Variants in ADD2 observed in about 807,000 individuals in gnomAD.
ADD2 encodes the protein beta-adducin.
Under a neutral mutation model 83.0 loss-of-function variants are expected in ADD2, and 23 were observed. That is an observed-to-expected ratio of 0.28 (90% CI 0.20 to 0.39). The LOEUF is 0.39. Among genes scored for constraint, ADD2 ranks in the 10% least tolerant of loss-of-function variants. ADD2 has a pLI of 1.00. For missense variants in ADD2, 758 were observed against 944.9 expected (o/e 0.80, Z 2.59); for synonymous variants, 375 against 375.4 (o/e 1.00, Z 0.01).
chr2:70,756,306 G>A (rs1296391972), intron 1 of ADD2, among the ~76,000 whole-genome samples: 1 of 152,092 alleles, frequency 6.6e-6, no homozygotes, highest in Non-Finnish European at 1.5e-5. Context: ...TAGAGAAACT[G>A]CACACACTGC....
Position 70,663,379 on chromosome 2 carries a change from G to A in ADD2, c.*46C>T. Reference sequence around the variant, plus strand: ...CAGGGACAGAGATGGGAGAAGGGAAGGGGAGGAGAGAGAGGAGGCAGGAGG... The same window carrying A: ...CAGGGACAGAGATGGGAGAAGGGAAAGGGAGGAGAGAGAGGAGGCAGGAGG... On this transcript the variant is annotated 3_prime_UTR_variant, in exon 16 of 16. Coordinates refer to ENST00000264436, the MANE Select transcript of ADD2 (RefSeq NM_001617.4). 1.3e-6 allele frequency: 2 copies of A among 1,550,930 alleles called. No homozygotes were observed. Among genetic ancestry groups the A allele is most frequent in the South Asian group, 2.4e-5 (2 of 83,170 alleles).
At chr2:70,720,071 T>C (rs1424608977) in intron 1 of ADD2, among the ~76,000 whole-genome samples, 1 of 152,074 alleles carries the variant, frequency 6.6e-6, no homozygotes, top group African/African-American at 2.4e-5. Context: ...ATTTGGCAAA[T>C]TAAGGTTGAA....
intron 1 of ADD2, among the ~76,000 whole-genome samples, chr2:70,713,395 G>A (rs559111809): frequency 3.2e-4 from 49 of 152,318 alleles, no homozygotes; most frequent in African/African-American, 1.1e-3. Flanking sequence ...GGGGGATCAC[G>A]AGGTCAAGAG....
rs143715120 is a variant in ADD2 at position 70,746,462 on chromosome 2, G to C, written c.-154+21424C>G. ...TCATGGGACCAGGCACTAACTCCAA[G>C]CATTAACCCTTTAGTCCCCACAATA... On this transcript the variant is annotated intron_variant, in intron 1 of 15. Coordinates refer to ENST00000264436, the MANE Select transcript of ADD2 (RefSeq NM_001617.4). Among the ~76,000 whole-genome samples the C allele has an allele frequency of 4.0e-3, 608 of 152,286 alleles. 6 individuals carry two copies. Among genetic ancestry groups the C allele is most frequent in the African/African-American group, 0.013 (547 of 41,550 alleles).
At chr2:70,720,089 T>C (rs1261365394) in intron 1 of ADD2, among the ~76,000 whole-genome samples, 1 of 152,152 alleles carries the variant, frequency 6.6e-6, no homozygotes. Context: ...GAAATTGTTT[T>C]GTGGGGTTTT....
intron 12 of ADD2, 144 bp downstream of exon 12, chr2:70,677,614 T>G: frequency 9.2e-7 from 1 of 1,081,222 alleles, no homozygotes; most frequent in Non-Finnish European, 1.3e-6. Context: ...TGGGCCATGG[T>G]CAGTCAATGG....
intron 2 of ADD2, among the ~76,000 whole-genome samples, chr2:70,707,938 C>T (rs1158560385): frequency 6.6e-6 from 1 of 152,192 alleles, no homozygotes. Context: ...TGGCTCCCTC[C>T]GGCCTTGCTC....
At chr2:70,673,162 T>A (rs556904663) in intron 14 of ADD2, 156 bp from the exon 15 acceptor site, 1 of 1,571,616 alleles carries the variant, frequency 6.4e-7, no homozygotes, top group Admixed American at 1.7e-5. Context: ...CCCCCTGACC[T>A]TCTTAGATTT....
chr2:70,704,679 T>C (rs1460933339), intron 3 of ADD2, among the ~76,000 whole-genome samples: 3 of 152,226 alleles, frequency 2.0e-5, no homozygotes, highest in Non-Finnish European at 2.9e-5. Flanking sequence ...TGTGTTCCCT[T>C]GCCCTGTGGG....
At chr2:70,731,723 G>C (rs571410839) in intron 1 of ADD2, among the ~76,000 whole-genome samples, 20 of 152,322 alleles carry the variant, frequency 1.3e-4, no homozygotes, top group African/African-American at 4.8e-4. Flanking sequence ...TAAATGGGCT[G>C]CTGGAGAAAA....
chr2:70,706,132 A>G lies in ADD2; in HGVS notation c.183+94T>C. Reference sequence around the variant, plus strand: ...CTTACATTTCTACTGACCCTGAGCAAGGGAAAGAGGAGTTACTCATCTTTC... The same window carrying G: ...CTTACATTTCTACTGACCCTGAGCAGGGGAAAGAGGAGTTACTCATCTTTC... On this transcript the variant is annotated intron_variant, in intron 3 of 15. Coordinates refer to ENST00000264436, the MANE Select transcript of ADD2 (RefSeq NM_001617.4). This position sits in a 1 kb window ranked among gnomAD's most constrained non-coding sequence, Gnocchi z 5.0. 7.4e-7 allele frequency: 1 copy of G among 1,345,130 alleles called. No homozygotes were observed. The highest frequency in any genetic ancestry group is 2.3e-5 in the East Asian group (1 of 42,748). 83.3% of individuals were successfully genotyped at this position (1,345,130 alleles called of 1,614,324 possible). A position where few individuals can be genotyped will look rare whatever the true frequency, so the allele number is the denominator to read the frequency against.
intron 9 of ADD2, chr2:70,687,124 T>C (rs1380786476): frequency 6.6e-6 from 1 of 152,334 alleles, no homozygotes; most frequent in Non-Finnish European, 1.5e-5. Flanking sequence ...GTCCTCACAG[T>C]GACCCGCTGG....
intron 4 of ADD2, among the ~76,000 whole-genome samples, chr2:70,702,863 A>C (rs1456947116): frequency 1.3e-5 from 2 of 152,222 alleles, no homozygotes; most frequent in Non-Finnish European, 2.9e-5. Context: ...ACGGTGGCTC[A>C]CGTCTGTAAT....
chr2:70,760,375 C>T (rs1553384637), intron 1 of ADD2, among the ~76,000 whole-genome samples: 1 of 152,098 alleles, frequency 6.6e-6, no homozygotes, highest in East Asian at 1.9e-4. Context: ...GTGCTGGATT[C>T]CCCAATTTAG....
At chr2:70,726,015 G>C (rs10202720) in intron 1 of ADD2, among the ~76,000 whole-genome samples, 36,080 of 150,942 alleles carry the variant, frequency 0.24, 5,479 homozygotes, top group African/African-American at 0.44. Context: ...GTGAAACCCC[G>C]TCTCTACTAA....
At chr2:70,708,449 C>T (rs1311632133) in intron 2 of ADD2, among the ~76,000 whole-genome samples, 1 of 152,140 alleles carries the variant, frequency 6.6e-6, no homozygotes, top group Non-Finnish European at 1.5e-5. Context: ...CTCCCTAATC[C>T]CTAGTGAGCA....
chr2:70,761,440 C>T (rs1675082745), intron 1 of ADD2, among the ~76,000 whole-genome samples: 2 of 151,550 alleles, frequency 1.3e-5, no homozygotes, highest in East Asian at 3.9e-4. Flanking sequence ...GAAACCTGGT[C>T]TCTACTAAAA....
intron 1 of ADD2, among the ~76,000 whole-genome samples, chr2:70,759,919 C>T (rs1197016406): frequency 2.6e-5 from 4 of 152,102 alleles, no homozygotes; most frequent in African/African-American, 9.7e-5. Flanking sequence ...CCCCACTGAC[C>T]ATACCACAGC....
At chr2:70,702,009 C>T (rs1366098938) in intron 4 of ADD2, among the ~76,000 whole-genome samples, 1 of 152,164 alleles carries the variant, frequency 6.6e-6, no homozygotes, top group Non-Finnish European at 1.5e-5. Context: ...ACCAAACTTA[C>T]AAATTTCCCC....
Sources: gnomAD v4.1 joint callset for allele counts (sites outside exome capture counted in the v4.1 genomes callset) on GRCh38, gnomAD v4.1.1 for gene constraint, Gnocchi (gnomAD v3.1) non-coding constraint, MANE v1.5 for transcripts, NCBI Gene and HGNC (gene_info 2026-07-23, HGNC 2026-07-21) for gene names.